The following DET1 variants were observed in gnomAD, a reference collection of about 807,000 sequenced individuals.
The protein encoded by DET1 is DET1 partner of COP1 E3 ubiquitin ligase.
In DET1, 22 loss-of-function variants were observed where a neutral mutation model predicts 43.7. The ratio of observed to expected loss-of-function variants is 0.50; its 90% CI spans 0.36 to 0.72. The LOEUF (loss-of-function observed/expected upper bound fraction) is 0.72. Among genes scored for constraint, DET1 ranks in the 30% least tolerant of loss-of-function variants. DET1 has a pLI of 0.00. For missense variants in DET1, 713 were observed against 713.3 expected (o/e 1.00, Z 0.00); for synonymous variants, 315 against 266.2 (o/e 1.18, Z -1.79).
chr15:88,533,096 A>C (rs1456253441), intron 1 of DET1, among the ~76,000 whole-genome samples: 1 of 152,228 alleles, frequency 6.6e-6, no homozygotes, highest in Non-Finnish European at 1.5e-5. Context: ...CAATAACAAA[A>C]AATCATATAC....
At chr15:88,524,414 G>C (rs905428013) in intron 3 of DET1, among the ~76,000 whole-genome samples, 3 of 152,240 alleles carry the variant, frequency 2.0e-5, no homozygotes, top group Admixed American at 2.0e-4. Context: ...CCCCGTCTGG[G>C]AAGTGAGGAG....
At chr15:88,536,367 C>T (rs747664103) in intron 1 of DET1, 6 of 777,276 alleles carry the variant, frequency 7.7e-6, no homozygotes, top group South Asian at 5.4e-5. Flanking sequence ...TAATTCCTTG[C>T]TGTATTCCCA....
chr15:88,513,790 ATTC>A (rs2056264183), intron 4 of DET1, among the ~76,000 whole-genome samples: 1 of 138,180 alleles, frequency 7.2e-6, no homozygotes, highest in Non-Finnish European at 1.5e-5. Flanking sequence ...TTAAGAATAA[ATTC>A]TTTTTTTTTT....
chr15:88,531,162 G>C lies in DET1; in HGVS notation c.544C>G (p.Pro182Ala), dbSNP rs1205970449. ...TCTTCTAGAGGGGACCGTGGGTTGG[G>C]GGTCACTGATTCACTGTTCCGATAT... Reference protein sequence around the residue: ...EVYRNSESVTPNPRSPLEDYS... With the variant: ...EVYRNSESVTANPRSPLEDYS... Residue 182 changes from proline to alanine, a missense_variant, in exon 2 of 5, where the codon CCC (proline) becomes GCC (alanine). Coordinates refer to ENST00000268148, the MANE Select transcript of DET1 (RefSeq NM_001144074.3). This position sits in a 1 kb window ranked among gnomAD's most constrained non-coding sequence, Gnocchi z 6.2. 4 of 1,613,814 alleles carry C rather than the reference G, an allele frequency of 2.5e-6. No homozygotes were observed. The highest frequency in any genetic ancestry group is 3.4e-6 in the Non-Finnish European group (4 of 1,179,876).
At chr15:88,533,694 T>G (rs2056875694) in intron 1 of DET1, among the ~76,000 whole-genome samples, 1 of 151,866 alleles carries the variant, frequency 6.6e-6, no homozygotes, top group Non-Finnish European at 1.5e-5. Context: ...AGACAAATAC[T>G]GTATGATTCC....
intron 1 of DET1, among the ~76,000 whole-genome samples, chr15:88,543,804 GC>G (rs1166974249): frequency 6.6e-6 from 1 of 152,172 alleles, no homozygotes; most frequent in Non-Finnish European, 1.5e-5. Flanking sequence ...AGAAGCGTGG[GC>G]TACTCACCTC....
intron 1 of DET1, among the ~76,000 whole-genome samples, chr15:88,545,683 G>T (rs879878538): frequency 2.2e-5 from 3 of 138,760 alleles, no homozygotes; most frequent in Non-Finnish European, 4.7e-5. Context: ...TAAAACTGAG[G>T]AATCAATGAT....
chr15:88,539,337 G>C (rs916824027), intron 1 of DET1, among the ~76,000 whole-genome samples: 1 of 151,642 alleles, frequency 6.6e-6, no homozygotes, highest in Non-Finnish European at 1.5e-5. Context: ...GATCCAAGCC[G>C]GGGGTTTATA....
intron 1 of DET1, among the ~76,000 whole-genome samples, chr15:88,539,997 CTG>C (rs937193202): frequency 2.0e-5 from 3 of 152,148 alleles, no homozygotes; most frequent in Non-Finnish European, 2.9e-5. Flanking sequence ...GACTCCTACT[CTG>C]TTCCCCTGTG....
In DET1 at chr15:88,543,728, G is replaced by A. The variant is rs1042922369; in HGVS notation, c.-11+2812C>T. 5.9e-5 allele frequency among the ~76,000 whole-genome samples: 9 copies of A among 152,132 alleles called. No homozygotes were observed. In the East Asian group the frequency reaches 1.2e-3, roughly 20 times the overall value. On this transcript the variant is annotated intron_variant, in intron 1 of 4. Coordinates refer to ENST00000268148, the MANE Select transcript of DET1 (RefSeq NM_001144074.3). Reference sequence around the variant, plus strand: ...GCTCTCCGATGGGGTAAGGATAAACGTATTAACATTTACACTGACAGCAGG... The same window carrying A: ...GCTCTCCGATGGGGTAAGGATAAACATATTAACATTTACACTGACAGCAGG...
rs746882848 is a variant in DET1 at position 88,530,791 on chromosome 15, G to C, written c.915C>G (p.Arg305=). The part of the protein sequence containing the change: ...LKHRLLVYLW[R]RAEQDGSAMA... The stretch of plus-strand genomic sequence containing the variant: ...TTGCACTACCATCCTGTTCTGCCCG[G>C]CGCCACAAATATACCAGCAACCGGT... The change falls in exon 2 of 5, where the codon CGC becomes CGG. Residue 305 remains arginine, a synonymous_variant. Transcript: ENST00000268148. 2 of 1,613,828 alleles carry C rather than the reference G, an allele frequency of 1.2e-6. No homozygotes were observed. The highest frequency in any genetic ancestry group is 1.7e-6 in the Non-Finnish European group (2 of 1,179,852).
intron 3 of DET1, 79 bp downstream of exon 3, chr15:88,527,520 G>A: frequency 7.5e-7 from 1 of 1,340,194 alleles, no homozygotes; most frequent in Non-Finnish European, 1.0e-6. Context: ...AGAATAAGAG[G>A]TTTCCTAGAG....
intron 4 of DET1, 26 bp from the exon 5 acceptor site, chr15:88,513,166 A>G: frequency 6.3e-7 from 1 of 1,581,530 alleles, no homozygotes. Context: ...ACAGAGACAG[A>G]GAAAGAGGGG....
chr15:88,538,364 C>T (rs963007199), intron 1 of DET1, among the ~76,000 whole-genome samples: 4 of 151,316 alleles, frequency 2.6e-5, no homozygotes, highest in South Asian at 4.2e-4. Flanking sequence ...CAAAGCCCCA[C>T]GTCTATCACC....
intron 1 of DET1, among the ~76,000 whole-genome samples, chr15:88,539,174 ACT>A (rs1451482378): frequency 4.6e-5 from 7 of 151,500 alleles, no homozygotes. Flanking sequence ...ACTGTTATAA[ACT>A]CTGTGAATGG....
Position 88,531,693 on chromosome 15 carries a change from C to T in DET1, c.13G>A (p.Val5Ile). MDHH[V>I]STIKPRRIQN... is the part of the protein sequence containing the mutation. ...ATTCTTCGAGGCTTGATGGTAGAAA[C>T]ATGATGATCCATTATCACATCTCTA... Residue 5 changes from valine (V) to isoleucine (I), a missense_variant, in exon 2 of 5, where the codon GTT becomes ATT. Physicochemically the swap from Val to Ile is conservative, Grantham distance 29 (BLOSUM62 3). Coordinates refer to ENST00000268148, the MANE Select transcript of DET1 (RefSeq NM_001144074.3). This position sits in a 1 kb window ranked among gnomAD's most constrained non-coding sequence, Gnocchi z 6.2. 2 of 1,607,312 alleles carry T rather than the reference C, an allele frequency of 1.2e-6. No homozygotes were observed. Among genetic ancestry groups the T allele is most frequent in the Non-Finnish European group, 1.7e-6 (2 of 1,174,362 alleles).
intron 3 of DET1, among the ~76,000 whole-genome samples, chr15:88,524,067 T>G (rs2056585156): frequency 6.7e-6 from 1 of 148,532 alleles, no homozygotes; most frequent in Non-Finnish European, 1.5e-5. Context: ...TCGTCTGAGA[T>G]GTGGGGAGCG....
At chr15:88,522,687 T>A (rs557496350) in intron 3 of DET1, among the ~76,000 whole-genome samples, 32 of 149,962 alleles carry the variant, frequency 2.1e-4, no homozygotes, top group Admixed American at 1.7e-3. Flanking sequence ...TTTTTTTGTA[T>A]TTTTTTTTAT....
In DET1 at chr15:88,531,754, C is replaced by A; in HGVS notation, c.-10-39G>T. 1 of 1,534,452 alleles carries A rather than the reference C, an allele frequency of 6.5e-7. No homozygotes were observed. Among genetic ancestry groups the A allele is most frequent in the Admixed American group, 2.0e-5 (1 of 50,162 alleles). On this transcript the variant is annotated intron_variant, in intron 1 of 4. Coordinates refer to ENST00000268148, the MANE Select transcript of DET1 (RefSeq NM_001144074.3). This position sits in a 1 kb window ranked among gnomAD's most constrained non-coding sequence, Gnocchi z 6.2. ...TAAAGCAGAAGTCAAGAAAGTGAAA[C>A]AGAATTTACCAAAATATAAATATAT...
Sources: gnomAD v4.1 joint callset for allele counts (sites outside exome capture counted in the v4.1 genomes callset) on GRCh38, gnomAD v4.1.1 for gene constraint, Gnocchi (gnomAD v3.1) non-coding constraint, MANE v1.5 for transcripts, NCBI Gene and HGNC (gene_info 2026-07-23, HGNC 2026-07-21) for gene names.